The following TMEM50B variants were observed in gnomAD, a reference collection of about 807,000 sequenced individuals.
TMEM50B encodes HCV p7-trans-regulated protein 3.
A neutral mutation model predicts 23.4 loss-of-function variants in TMEM50B; 14 were observed. The ratio of observed to expected loss-of-function variants is 0.60; its 90% CI spans 0.39 to 0.93. The LOEUF (loss-of-function observed/expected upper bound fraction) is 0.93. Among genes scored for constraint, TMEM50B ranks in the 40% least tolerant of loss-of-function variants. The probability of loss-of-function intolerance (pLI) is 0.00; values close to 1 mark genes in which losing one functional copy is unlikely to be tolerated. For synonymous variants in TMEM50B, 64 were observed against 62.3 expected (o/e 1.03, Z -0.13); for missense variants, 159 against 193.0 (o/e 0.82, Z 1.04).
chr21:33,446,718 G>T (rs2084063055), downstream of TMEM50B, among the ~76,000 whole-genome samples: 1 of 130,560 alleles, frequency 7.7e-6, no homozygotes, highest in Non-Finnish European at 1.6e-5. Context: ...TTTTAAAAAG[G>T]TGTTTTGGAG....
At chr21:33,444,911 C>T (rs187414233), downstream of TMEM50B, among the ~76,000 whole-genome samples, 25 of 151,550 alleles carry the variant, frequency 1.6e-4, no homozygotes, top group East Asian at 3.9e-3. Context: ...TAGGCAGATC[C>T]TTTGAGCCCA....
intron 6 of TMEM50B, among the ~76,000 whole-genome samples, chr21:33,451,565 AG>A (rs2084120457): frequency 6.6e-6 from 1 of 152,118 alleles, no homozygotes; most frequent in Admixed American, 6.6e-5. Context: ...CCAAAAGAAG[AG>A]GGGGAATTAT....
intron 6 of TMEM50B, among the ~76,000 whole-genome samples, chr21:33,455,121 A>T (rs2084157808): frequency 1.3e-5 from 2 of 152,114 alleles, no homozygotes; most frequent in Admixed American, 6.6e-5. Flanking sequence ...TCCCTCGCAA[A>T]AAATAAATAA....
At chr21:33,471,419 CAATAGA>C (rs1341827969) in intron 1 of TMEM50B, among the ~76,000 whole-genome samples, 2 of 152,018 alleles carry the variant, frequency 1.3e-5, no homozygotes, top group Non-Finnish European at 2.9e-5. Context: ...AAAGAACAGT[CAATAGA>C]AATAAATCCC....
At chr21:33,463,400 A>T (rs1235455621) in intron 4 of TMEM50B, among the ~76,000 whole-genome samples, 2 of 152,248 alleles carry the variant, frequency 1.3e-5, no homozygotes, top group African/African-American at 4.8e-5. Context: ...TTACTATATG[A>T]TCCCATTTAT....
intron 5 of TMEM50B, among the ~76,000 whole-genome samples, chr21:33,457,222 C>G (rs1380375704): frequency 6.6e-6 from 1 of 151,562 alleles, no homozygotes; most frequent in Non-Finnish European, 1.5e-5. Flanking sequence ...CCACTGCACT[C>G]TAGCCTGGAC....
chr21:33,474,552 G>A (rs2084348442), intron 1 of TMEM50B, among the ~76,000 whole-genome samples: 1 of 150,656 alleles, frequency 6.6e-6, no homozygotes, highest in Admixed American at 6.6e-5. Context: ...GGGAGGCCAA[G>A]GTGGGTGGAT....
intron 4 of TMEM50B, chr21:33,465,105 G>A (rs980481904): frequency 1.7e-5 from 7 of 406,100 alleles, no homozygotes; most frequent in Non-Finnish European, 3.1e-5. Flanking sequence ...AGATCCATTT[G>A]AATAGCAACA....
intron 1 of TMEM50B, chr21:33,478,938 G>A (rs1249324911): frequency 2.4e-6 from 1 of 416,246 alleles, no homozygotes; most frequent in East Asian, 7.4e-5. Context: ...AGAGAAAATC[G>A]GGTCTTACAG....
chr21:33,434,997 AATC>A (rs1228915579), intron 8 of TMEM50B, among the ~76,000 whole-genome samples: 2 of 152,192 alleles, frequency 1.3e-5, no homozygotes, highest in Non-Finnish European at 2.9e-5. Context: ...GGGAACAGTG[AATC>A]ATGTTTCACT....
At chr21:33,455,879 A>T in intron 5 of TMEM50B, 95 bp from the exon 6 acceptor site, 1 of 861,256 alleles carries the variant, frequency 1.2e-6, no homozygotes, top group Non-Finnish European at 2.0e-6. Flanking sequence ...TTTGTATATT[A>T]CAACATACTG....
chr21:33,432,999 C>T (rs535886101), intron 8 of TMEM50B: 12 of 777,158 alleles, frequency 1.5e-5, no homozygotes, highest in African/African-American at 1.4e-4. Flanking sequence ...GATTCTCCTG[C>T]CTCAGCCTCC....
intron 8 of TMEM50B, among the ~76,000 whole-genome samples, chr21:33,435,120 A>T (rs1160268189): frequency 6.6e-6 from 1 of 152,232 alleles, no homozygotes; most frequent in East Asian, 1.9e-4. Context: ...CAAGAGCTAG[A>T]CACTAGATTC....
At chr21:33,476,955 A>T (rs2084379231) in intron 1 of TMEM50B, among the ~76,000 whole-genome samples, 1 of 151,966 alleles carries the variant, frequency 6.6e-6, no homozygotes, top group Admixed American at 6.6e-5. Flanking sequence ...GGAACCAAAA[A>T]ATGTATATTA....
chr21:33,452,432 A>G (rs1404495307), intron 6 of TMEM50B, among the ~76,000 whole-genome samples: 1 of 152,170 alleles, frequency 6.6e-6, no homozygotes, highest in African/African-American at 2.4e-5. Context: ...ATAAGAGGAA[A>G]CTACCCAAGG....
downstream of TMEM50B, among the ~76,000 whole-genome samples, chr21:33,447,424 C>T (rs2084072426): frequency 6.6e-6 from 1 of 151,924 alleles, no homozygotes. Flanking sequence ...CCAGCCTGGG[C>T]AAGAGTAAGA....
chr21:33,439,650 G>T (rs932682973), intron 7 of TMEM50B, among the ~76,000 whole-genome samples: 9 of 151,906 alleles, frequency 5.9e-5, no homozygotes, highest in African/African-American at 1.9e-4. Flanking sequence ...AAAGTGCTGG[G>T]ATTACAGGTG....
chr21:33,450,934 A>G (rs1211888658), intron 6 of TMEM50B, 71 bp from the exon 7 acceptor site: 4 of 1,289,340 alleles, frequency 3.1e-6, no homozygotes, highest in Middle Eastern at 1.9e-4. Flanking sequence ...CATTTTCTCA[A>G]TATGCTTTGA....
At chr21:33,476,593 C>G (rs2084373386) in intron 1 of TMEM50B, among the ~76,000 whole-genome samples, 1 of 151,494 alleles carries the variant, frequency 6.6e-6, no homozygotes, top group Non-Finnish European at 1.5e-5. Flanking sequence ...AACCCCGTCT[C>G]TACTAAAAAC....
Sources: gnomAD v4.1 joint callset for allele counts (sites outside exome capture counted in the v4.1 genomes callset) on GRCh38, gnomAD v4.1.1 for gene constraint, MANE v1.5 for transcripts, NCBI Gene and HGNC (gene_info 2026-07-23, HGNC 2026-07-21) for gene names.